Variants in SGCD observed in about 807,000 individuals in gnomAD.
SGCD encodes the protein delta-sarcoglycan.
A neutral mutation model predicts 36.6 loss-of-function variants in SGCD; 18 were observed. The observed-to-expected ratio is 0.49, with a 90% CI of 0.34 to 0.73. The LOEUF (loss-of-function observed/expected upper bound fraction) is 0.73. SGCD is among the 30% of genes least tolerant of loss of function. The pLI is 0.01. For missense variants in SGCD, 387 were observed against 346.7 expected (o/e 1.12, Z -0.92); for synonymous variants, 133 against 130.6 (o/e 1.02, Z -0.12).
chr5:156,275,603 C>G (rs1581212108), intron 3 of SGCD, among the ~76,000 whole-genome samples: 1 of 152,150 alleles, frequency 6.6e-6, no homozygotes, highest in East Asian at 1.9e-4. Flanking sequence ...CCAAAGACCT[C>G]ATTTCCTCAT....
At chr5:156,417,343 C>T (rs1773100703) in intron 3 of SGCD, among the ~76,000 whole-genome samples, 1 of 152,088 alleles carries the variant, frequency 6.6e-6, no homozygotes, top group Non-Finnish European at 1.5e-5. Flanking sequence ...TGATCGTGAA[C>T]CCTTCAAAAT....
In SGCD at chr5:156,488,506, A is replaced by G. The variant is rs572970922; in HGVS notation, c.193-20095A>G. Among the ~76,000 whole-genome samples the G allele has an allele frequency of 7.2e-4, 109 of 152,252 alleles. No homozygotes were observed. The Middle Eastern group carries it at 0.014, about 19-fold the overall frequency. The stretch of plus-strand genomic sequence containing the variant: ...AGGAGAGAATGGGATGATACATTCA[A>G]AGTTAAGAAAGAAAAATAAAAAACT... On this transcript the variant is annotated intron_variant, in intron 3 of 8. Transcript: ENST00000337851.
At chr5:156,076,004 T>G (rs758759118) in intron 1 of SGCD, among the ~76,000 whole-genome samples, 108 of 152,284 alleles carry the variant, frequency 7.1e-4, no homozygotes, top group Admixed American at 1.2e-3. Context: ...TTTCCAGGTT[T>G]GTCCTTTTGA....
At chr5:156,005,768 T>C (rs561235233) in intron 1 of SGCD, among the ~76,000 whole-genome samples, 1 of 152,272 alleles carries the variant, frequency 6.6e-6, no homozygotes, top group Admixed American at 6.5e-5. Context: ...TGTTTTAATG[T>C]CAAGCGTTGT....
At chr5:156,117,576 G>A (rs932646526) in intron 1 of SGCD, among the ~76,000 whole-genome samples, 14 of 152,218 alleles carry the variant, frequency 9.2e-5, no homozygotes, top group African/African-American at 3.4e-4. Flanking sequence ...GCAAACAACT[G>A]CATACTTAGG....
intron 3 of SGCD, among the ~76,000 whole-genome samples, chr5:156,465,028 C>T (rs1754659051): frequency 6.6e-6 from 1 of 152,104 alleles, no homozygotes; most frequent in South Asian, 2.1e-4. Flanking sequence ...TCCATTGTCT[C>T]AGCTGCAGCT....
intron 7 of SGCD, among the ~76,000 whole-genome samples, chr5:156,713,933 A>G (rs112418369): frequency 4.3e-4 from 66 of 152,372 alleles, no homozygotes; most frequent in African/African-American, 1.5e-3. Context: ...TAATTGTGGC[A>G]TTCACAGAGG....
intron 1 of SGCD, among the ~76,000 whole-genome samples, chr5:155,870,921 C>T (rs1352866163): frequency 6.6e-6 from 1 of 152,156 alleles, no homozygotes; most frequent in Non-Finnish European, 1.5e-5. Flanking sequence ...TCCATTTTCA[C>T]AATTGTTACT....
At chr5:155,796,872 A>G in the SGCD span, among the ~76,000 whole-genome samples, 1 of 151,672 alleles carries the variant, frequency 6.6e-6, no homozygotes, top group East Asian at 1.9e-4. Context: ...CTAGAAAAAG[A>G]TTAACAAACC....
At chr5:156,333,959 GT>G (rs1040590000) in intron 2 of SGCD, among the ~76,000 whole-genome samples, 3 of 149,802 alleles carry the variant, frequency 2.0e-5, no homozygotes, top group East Asian at 1.9e-4. Flanking sequence ...GCTGACTTTG[GT>G]TTTTTTTTAC....
chr5:156,202,753 CTTTT>C (rs11324693), intron 3 of SGCD, among the ~76,000 whole-genome samples: 3 of 112,258 alleles, frequency 2.7e-5, no homozygotes, highest in African/African-American at 6.7e-5. Flanking sequence ...GCAGAGGTTC[CTTTT>C]TTTTTTTTTT....
the SGCD span, among the ~76,000 whole-genome samples, chr5:155,776,576 T>C: frequency 6.6e-6 from 1 of 152,094 alleles, no homozygotes; most frequent in African/African-American, 2.4e-5. Flanking sequence ...CTTTAACCCT[T>C]ACTAGCTGAG....
At chr5:156,364,903 G>T (rs779617931) in intron 3 of SGCD, among the ~76,000 whole-genome samples, 1 of 152,146 alleles carries the variant, frequency 6.6e-6, no homozygotes, top group Non-Finnish European at 1.5e-5. Flanking sequence ...TTTTTCACAA[G>T]CTATGAGACC....
intron 3 of SGCD, among the ~76,000 whole-genome samples, chr5:156,374,051 G>A (rs931236422): frequency 2.0e-5 from 3 of 151,666 alleles, no homozygotes; most frequent in East Asian, 1.9e-4. Flanking sequence ...TTATTTTTTC[G>A]TGATAAGCAG....
chr5:156,411,155 TTGG>T (rs1772729354), intron 3 of SGCD, among the ~76,000 whole-genome samples: 1 of 152,212 alleles, frequency 6.6e-6, no homozygotes, highest in Admixed American at 6.5e-5. Context: ...TAAACTCTTA[TTGG>T]TGATTTTTGA....
At chr5:155,938,498 C>T (rs1390374567) in intron 1 of SGCD, among the ~76,000 whole-genome samples, 13 of 152,190 alleles carry the variant, frequency 8.5e-5, no homozygotes, top group African/African-American at 3.1e-4. Context: ...ATCACCCTGT[C>T]CTTTTCTTCT....
intron 1 of SGCD, among the ~76,000 whole-genome samples, chr5:155,886,503 C>T (rs563408788): frequency 6.7e-4 from 101 of 150,888 alleles, no homozygotes; most frequent in Non-Finnish European, 1.1e-3. Context: ...TGCGCGCACG[C>T]GCGCGTGCGT....
intron 7 of SGCD, among the ~76,000 whole-genome samples, chr5:156,748,761 G>A (rs1421340539): frequency 6.6e-6 from 1 of 152,150 alleles, no homozygotes; most frequent in Non-Finnish European, 1.5e-5. Flanking sequence ...AGGCATGCAA[G>A]ATTTATACAT....
At chr5:155,749,194 T>C in the SGCD span, among the ~76,000 whole-genome samples, 5 of 152,312 alleles carry the variant, frequency 3.3e-5, no homozygotes, top group African/African-American at 1.2e-4. Context: ...GTAATTATTA[T>C]TGAGATTTTT....
Sources: gnomAD v4.1 joint callset for allele counts (sites outside exome capture counted in the v4.1 genomes callset) on GRCh38, gnomAD v4.1.1 for gene constraint, MANE v1.5 for transcripts, NCBI Gene and HGNC (gene_info 2026-07-23, HGNC 2026-07-21) for gene names.